Variants in STAM observed in about 807,000 individuals in gnomAD.
STAM encodes the protein signal transducing adapter molecule 1.
A neutral mutation model predicts 63.4 loss-of-function variants in STAM; 16 were observed. The observed-to-expected ratio is 0.25, with a 90% CI of 0.17 to 0.38. The LOEUF is 0.38. Ranked by LOEUF, STAM falls within the 10% of genes least tolerant of loss-of-function variation. The probability of loss-of-function intolerance (pLI) is 1.00; values close to 1 mark genes in which losing one functional copy is unlikely to be tolerated. For synonymous variants in STAM, 238 were observed against 223.9 expected, an observed-to-expected ratio of 1.06 and a Z score of -0.56; for missense variants, 636 against 657.1, an observed-to-expected ratio of 0.97 and a Z score of 0.35.
At chr10:17,673,903 TTGA>T (rs1554824361) in intron 2 of STAM, among the ~76,000 whole-genome samples, 1 of 152,186 alleles carries the variant, frequency 6.6e-6, no homozygotes. Flanking sequence ...CAGGCACAGC[TTGA>T]TGTGGGGAGC....
chr10:17,655,942 C>T (rs749674480), intron 1 of STAM, among the ~76,000 whole-genome samples: 16 of 151,868 alleles, frequency 1.1e-4, no homozygotes, highest in East Asian at 9.6e-4. Context: ...TTTCCTCCTA[C>T]GTGTGTATTC....
In STAM at chr10:17,693,109, C is replaced by T. The variant is rs1554826974; in HGVS notation, c.445-113C>T. On this transcript the variant is annotated intron_variant, in intron 5 of 13. Coordinates refer to ENST00000377524, the MANE Select transcript of STAM (RefSeq NM_003473.4). ...GAAGCTGCTGCAGTTTGGATTTCTT[C>T]TTTCAGAAATCTGTGCTAGATTGAT... is the stretch of plus-strand genomic sequence containing the variant. 6.3e-6 allele frequency: 5 copies of T among 788,148 alleles called. No homozygotes were observed. The East Asian group carries it at 1.3e-4, about 21-fold the overall frequency. The allele number at this position is 788,148 out of a possible 1,614,324, so 48.8% of individuals were successfully genotyped here. A position where few individuals can be genotyped will look rare whatever the true frequency, so the allele number is the denominator to read the frequency against.
At chr10:17,663,295 G>A (rs1158205510) in intron 2 of STAM, among the ~76,000 whole-genome samples, 1 of 151,068 alleles carries the variant, frequency 6.6e-6, no homozygotes, top group Non-Finnish European at 1.5e-5. Context: ...AATATTTTTT[G>A]TCTTTTTGTT....
At chr10:17,651,949 C>G (rs1238156568) in intron 1 of STAM, among the ~76,000 whole-genome samples, 1 of 152,176 alleles carries the variant, frequency 6.6e-6, no homozygotes, top group Non-Finnish European at 1.5e-5. Context: ...TGCTGCTTAT[C>G]AGAAAAAGTT....
rs147722912 is a variant in STAM, at chr10:17,684,855, C to T, written c.225C>T (p.Asn75=). 3.0e-4 allele frequency: 480 copies of T among 1,613,994 alleles called. 5 individuals carry two copies. In the East Asian group the frequency reaches 0.01, roughly 34 times the overall value. The part of the protein sequence containing the change: ...ALTLLGACVS[N]CGKIFHLEVC... ...AGCTTCTAGGAGCATGTGTATCAAA[C>T]TGTGGCAAAATTTTTCATTTAGAAG... The change falls in exon 4 of 14, where the codon AAC becomes AAT. Residue 75 remains asparagine (N), a synonymous_variant. Transcript: ENST00000377524.
chr10:17,662,178 T>G (rs1554822966), intron 2 of STAM, among the ~76,000 whole-genome samples: 2 of 152,212 alleles, frequency 1.3e-5, no homozygotes, highest in African/African-American at 4.8e-5. Flanking sequence ...TGAGTTCAGT[T>G]TAAGCTCCTT....
chr10:17,660,366 A>T (rs749163696), intron 1 of STAM, 98 bp from the exon 2 acceptor site: 27 of 746,214 alleles, frequency 3.6e-5, no homozygotes, highest in Non-Finnish European at 5.5e-5. Context: ...TTTGTTGTTA[A>T]GACTTGATTA....
At chr10:17,662,411 C>A (rs1224849010) in intron 2 of STAM, among the ~76,000 whole-genome samples, 4 of 152,162 alleles carry the variant, frequency 2.6e-5, no homozygotes, top group South Asian at 4.1e-4. Context: ...TTTCCTTATC[C>A]CCTTTACTGA....
chr10:17,698,251 A>G (rs1554827874), intron 8 of STAM, among the ~76,000 whole-genome samples: 4 of 152,168 alleles, frequency 2.6e-5, no homozygotes, highest in African/African-American at 9.7e-5. Flanking sequence ...CCTTGTTTAA[A>G]TGGCATTGCG....
intron 5 of STAM, among the ~76,000 whole-genome samples, chr10:17,690,533 A>G (rs1041382269): frequency 2.0e-5 from 3 of 152,218 alleles, no homozygotes; most frequent in African/African-American, 7.2e-5. Context: ...TAGAAACCCT[A>G]CATGTAAAGA....
intron 1 of STAM, among the ~76,000 whole-genome samples, chr10:17,648,441 C>T (rs948353399): frequency 6.6e-5 from 10 of 152,188 alleles, no homozygotes; most frequent in South Asian, 2.1e-4. Flanking sequence ...CAGCAGCAAC[C>T]GGCTCGGGTC....
Position 17,688,090 on chromosome 10 carries a change from A to C in STAM, c.361A>C (p.Asn121His), listed in dbSNP as rs1338894262. Reference protein sequence around the residue: ...LMVEWTDEFKNDPQLSLISAM... With the variant: ...LMVEWTDEFKHDPQLSLISAM... Reference sequence around the variant, plus strand: ...GGTTGAATGGACAGATGAATTTAAGAATGATCCACAGCTTAGTCTAATATC... The same window carrying C: ...GGTTGAATGGACAGATGAATTTAAGCATGATCCACAGCTTAGTCTAATATC... Residue 121 changes from asparagine to histidine, a missense_variant, in exon 5 of 14, where the codon AAT becomes CAT. Physicochemically the swap from Asn to His is moderately conservative, Grantham distance 68. Around this residue, in one of 3 missense-constraint regions of STAM, gnomAD observed 532 missense variants for 536.9 expected, o/e 0.99. Coordinates refer to ENST00000377524, the MANE Select transcript of STAM (RefSeq NM_003473.4). 1.2e-6 allele frequency: 2 copies of C among 1,610,994 alleles called. No individual in the cohort carries two copies. Among genetic ancestry groups the C allele is most frequent in the Non-Finnish European group, 1.7e-6 (2 of 1,178,530 alleles).
chr10:17,708,821 A>C lies in STAM; in HGVS notation c.1255A>C (p.Asn419His). 6.2e-7 allele frequency: 1 copy of C among 1,614,076 alleles called. No homozygotes were observed. The highest frequency in any genetic ancestry group is 8.5e-7 in the Non-Finnish European group (1 of 1,179,976). Residue 419 changes from asparagine (N) to histidine (H), a missense_variant, in exon 13 of 14, where the codon AAC becomes CAC. Coordinates refer to ENST00000377524, the MANE Select transcript of STAM (RefSeq NM_003473.4). ...AAGTGGTGCCTACCTGGTTGCAGGG[A>C]ACGCGCAGATGAGCCACCTCCAGAG... ...PPSGAYLVAG[N>H]AQMSHLQSYS...
intron 2 of STAM, among the ~76,000 whole-genome samples, chr10:17,682,912 A>G (rs1237096403): frequency 3.3e-5 from 5 of 151,804 alleles, no homozygotes; most frequent in Admixed American, 2.6e-4. Context: ...TTGAAGTTCT[A>G]TTTTTGTGTT....
chr10:17,650,168 G>C (rs12262555), intron 1 of STAM, among the ~76,000 whole-genome samples: 1 of 152,156 alleles, frequency 6.6e-6, no homozygotes, highest in Non-Finnish European at 1.5e-5. Context: ...ACATTCTCCT[G>C]AAGTGTGATA....
chr10:17,704,860 T>A (rs1267927943), intron 10 of STAM, 110 bp from the exon 11 acceptor site: 4 of 951,468 alleles, frequency 4.2e-6, no homozygotes, highest in African/African-American at 3.3e-5. Context: ...TGTATATTTT[T>A]ATTACTCCAA....
At chr10:17,685,442 C>G (rs1835256053) in intron 4 of STAM, among the ~76,000 whole-genome samples, 1 of 152,104 alleles carries the variant, frequency 6.6e-6, no homozygotes, top group South Asian at 2.1e-4. Flanking sequence ...GGGACTGCCC[C>G]AAACTGTTCC....
intron 5 of STAM, among the ~76,000 whole-genome samples, chr10:17,691,113 T>A (rs1303636749): frequency 1.3e-5 from 2 of 152,242 alleles, no homozygotes. Context: ...AAGTGTCTGA[T>A]AATTAAAACA....
chr10:17,672,969 C>A, intron 2 of STAM: 1 of 945,270 alleles, frequency 1.1e-6, no homozygotes, highest in African/African-American at 1.8e-5. Context: ...CTTTTCCCAT[C>A]TCAAGATAAG....
Sources: gnomAD v4.1 joint callset for allele counts (sites outside exome capture counted in the v4.1 genomes callset) on GRCh38, gnomAD v4.1.1 for gene constraint, gnomAD v4.1.1 regional missense constraint, MANE v1.5 for transcripts, NCBI Gene and HGNC (gene_info 2026-07-23, HGNC 2026-07-21) for gene names.